Variants in DGKB observed in about 807,000 individuals in gnomAD.
DGKB encodes 90 kDa diacylglycerol kinase.
In DGKB, 67 loss-of-function variants were observed where a neutral mutation model predicts 114.3. The ratio of observed to expected loss-of-function variants is 0.59; its 90% confidence interval spans 0.48 to 0.72. DGKB has a LOEUF of 0.72. Among genes scored for constraint, DGKB ranks in the 30% least tolerant of loss-of-function variants. The probability of loss-of-function intolerance (pLI) is 0.00; values close to 1 mark genes in which losing one functional copy is unlikely to be tolerated. For missense variants in DGKB, 907 were observed against 975.2 expected, an observed-to-expected ratio of 0.93 and a Z score of 0.93; for synonymous variants, 398 against 323.1, an observed-to-expected ratio of 1.23 and a Z score of -2.49.
intron 4 of DGKB, among the ~76,000 whole-genome samples, chr7:14,745,808 G>A (rs1833200529): frequency 6.6e-6 from 1 of 151,780 alleles, no homozygotes; most frequent in Non-Finnish European, 1.5e-5. Flanking sequence ...TGTGTCGCAT[G>A]CTTAATTTTT....
intron 24 of DGKB, 58 bp from the exon 25 acceptor site, chr7:14,176,957 T>C (rs773188532): frequency 1.2e-6 from 2 of 1,600,268 alleles, no homozygotes; most frequent in Non-Finnish European, 1.7e-6. Context: ...TTACAGACTA[T>C]ATGTGAGATA....
chr7:14,353,494 A>T (rs568616197), intron 21 of DGKB, among the ~76,000 whole-genome samples: 7 of 152,314 alleles, frequency 4.6e-5, no homozygotes, highest in African/African-American at 1.4e-4. Context: ...GCCCCTATGA[A>T]GGAAAAGACA....
chr7:14,624,778 G>T (rs1433290951), intron 14 of DGKB, among the ~76,000 whole-genome samples: 1 of 152,036 alleles, frequency 6.6e-6, no homozygotes, highest in Non-Finnish European at 1.5e-5. Flanking sequence ...CAGGCAGATC[G>T]CTGGAGCCCA....
chr7:14,892,055 A>G (rs909103755), intron 1 of DGKB, among the ~76,000 whole-genome samples: 1 of 151,434 alleles, frequency 6.6e-6, no homozygotes, highest in African/African-American at 2.4e-5. Flanking sequence ...CAATAGAGCT[A>G]TTTATATTGT....
chr7:14,341,946 C>A (rs1811673982), intron 22 of DGKB, among the ~76,000 whole-genome samples: 1 of 151,788 alleles, frequency 6.6e-6, no homozygotes, highest in Non-Finnish European at 1.5e-5. Context: ...ATGTCTATAT[C>A]AGATAAGAAT....
Position 14,338,649 on chromosome 7 carries a change from A to G in DGKB, c.1988T>C (p.Ile663Thr), listed in dbSNP as rs1183139577. Residue 663 changes from isoleucine (I) to threonine (T), a missense_variant, in exon 23 of 26, where the codon ATA (isoleucine) becomes ACA (threonine). Physicochemically the swap from Ile to Thr is moderately conservative, Grantham distance 89 (BLOSUM62 -1). Coordinates refer to ENST00000402815, the MANE Select transcript of DGKB (RefSeq NM_001350709.2). ...ISLEGIAILN[I>T]PSMHGGSNLW... ...ATTGGATCCTCCATGCATGCTTGGT[A>G]TATTCAAAATAGCAATTCCTTCCAG... The G allele has an allele frequency of 6.2e-7, 1 of 1,603,188 alleles. No homozygotes were observed.
intron 18 of DGKB, 94 bp from the exon 19 acceptor site, chr7:14,581,045 A>T: frequency 1.4e-6 from 1 of 720,768 alleles, no homozygotes; most frequent in Non-Finnish European, 2.2e-6. Context: ...AAATGAAGGA[A>T]TTCCAATAGG....
intron 21 of DGKB, among the ~76,000 whole-genome samples, chr7:14,349,591 C>T (rs922731347): frequency 1.3e-5 from 2 of 152,084 alleles, no homozygotes; most frequent in Non-Finnish European, 2.9e-5. Flanking sequence ...AGCATTACTG[C>T]TCATGTGCAA....
intron 21 of DGKB, among the ~76,000 whole-genome samples, chr7:14,443,156 T>G (rs568531432): frequency 6.6e-6 from 1 of 152,162 alleles, no homozygotes; most frequent in Non-Finnish European, 1.5e-5. Context: ...TTACAAATAT[T>G]TTCTTATTTC....
intron 1 of DGKB, among the ~76,000 whole-genome samples, chr7:14,920,226 G>A (rs1784447434): frequency 6.6e-6 from 1 of 152,078 alleles, no homozygotes; most frequent in Non-Finnish European, 1.5e-5. Flanking sequence ...ATATGCTACA[G>A]CCTCAAAGAC....
intron 21 of DGKB, among the ~76,000 whole-genome samples, chr7:14,448,625 G>A (rs1831045422): frequency 6.6e-6 from 1 of 152,012 alleles, no homozygotes; most frequent in Admixed American, 6.6e-5. Context: ...GATGTACACT[G>A]TTTAAAATAC....
intron 21 of DGKB, among the ~76,000 whole-genome samples, chr7:14,411,253 T>C (rs372012530): frequency 6.6e-6 from 1 of 152,224 alleles, no homozygotes; most frequent in African/African-American, 2.4e-5. Flanking sequence ...TAACCTATAA[T>C]GTTTGGTCAG....
chr7:14,860,218 T>G (rs1305571836), intron 1 of DGKB, among the ~76,000 whole-genome samples: 2 of 152,068 alleles, frequency 1.3e-5, no homozygotes, highest in African/African-American at 4.8e-5. Flanking sequence ...TTTTAGAAAT[T>G]GTGAAATTTC....
chr7:14,796,139 T>C (rs1284076737), intron 2 of DGKB, among the ~76,000 whole-genome samples: 1 of 152,182 alleles, frequency 6.6e-6, no homozygotes, highest in Non-Finnish European at 1.5e-5. Flanking sequence ...AGTTGATGGG[T>C]GCAATTCCCA....
At chr7:14,196,370 T>C (rs993813673) in intron 23 of DGKB, among the ~76,000 whole-genome samples, 1 of 152,158 alleles carries the variant, frequency 6.6e-6, no homozygotes, top group Non-Finnish European at 1.5e-5. Flanking sequence ...TGCGGGCAGA[T>C]TGACCATCAT....
chr7:14,290,104 A>T (rs4463321), intron 23 of DGKB, among the ~76,000 whole-genome samples: 1 of 152,032 alleles, frequency 6.6e-6, no homozygotes, highest in Admixed American at 6.6e-5. Context: ...CTTCTTGTCT[A>T]TGTTCACAGA....
intron 25 of DGKB, among the ~76,000 whole-genome samples, chr7:14,163,792 C>G (rs546067063): frequency 8.1e-4 from 124 of 152,172 alleles, no homozygotes; most frequent in African/African-American, 2.3e-3. Context: ...GTCAGGAATT[C>G]GAGACCAGCC....
At chr7:14,643,361 G>A (rs1225133352) in intron 13 of DGKB, among the ~76,000 whole-genome samples, 4 of 151,710 alleles carry the variant, frequency 2.6e-5, no homozygotes. Flanking sequence ...TTGTTCCAGA[G>A]AGGAAAATCA....
At chr7:14,825,335 T>C in intron 2 of DGKB, among the ~76,000 whole-genome samples, 1 of 152,190 alleles carries the variant, frequency 6.6e-6, no homozygotes, top group South Asian at 2.1e-4. Flanking sequence ...TATTCTATTA[T>C]TATTTCATTG....
Sources: allele counts gnomAD v4.1 joint callset (sites outside exome capture counted in the v4.1 genomes callset), GRCh38; gene constraint gnomAD v4.1.1; transcripts MANE v1.5; gene names NCBI Gene and HGNC (gene_info 2026-07-23, HGNC 2026-07-21).